Variants in MCTP1 observed in about 807,000 individuals in gnomAD.
The protein encoded by MCTP1 is multiple C2 and transmembrane domain containing 1.
A neutral mutation model predicts 120.6 loss-of-function variants in MCTP1; 69 were observed. The observed-to-expected ratio is 0.57, with a 90% CI of 0.47 to 0.70. The LOEUF is 0.70. Among genes scored for constraint, MCTP1 ranks in the 30% least tolerant of loss-of-function variants. MCTP1 has a pLI of 0.00. For synonymous variants in MCTP1, 529 were observed against 493.1 expected (o/e 1.07, Z -0.96); for missense variants, 1,203 against 1,248.8 (o/e 0.96, Z 0.55).
intron 1 of MCTP1, among the ~76,000 whole-genome samples, chr5:95,077,477 CT>C (rs375415681): frequency 1.6e-3 from 240 of 145,528 alleles, no homozygotes; most frequent in Admixed American, 6.1e-3. Context: ...ATTATATATA[CT>C]TTTTTTTTTT....
At chr5:94,929,941 A>T (rs1469331248) in intron 6 of MCTP1, among the ~76,000 whole-genome samples, 1 of 152,154 alleles carries the variant, frequency 6.6e-6, no homozygotes, top group Non-Finnish European at 1.5e-5. Context: ...AAAGTTGAAA[A>T]TCCCTTAGGC....
intron 2 of MCTP1, among the ~76,000 whole-genome samples, chr5:95,000,290 G>A (rs1833422166): frequency 6.6e-6 from 1 of 152,076 alleles, no homozygotes; most frequent in Admixed American, 6.5e-5. Flanking sequence ...ACTGGTTTTT[G>A]TATTTATGAT....
intron 19 of MCTP1, among the ~76,000 whole-genome samples, chr5:94,737,526 G>A (rs190775686): frequency 1.1e-4 from 17 of 152,218 alleles, no homozygotes; most frequent in African/African-American, 3.1e-4. Flanking sequence ...AAAATAGGGA[G>A]TCCTGTAGTT....
At chr5:94,900,846 T>A (rs1239847931) in intron 10 of MCTP1, among the ~76,000 whole-genome samples, 1 of 152,216 alleles carries the variant, frequency 6.6e-6, no homozygotes. Flanking sequence ...AAAAATGCCT[T>A]CTCTTTGCAG....
intron 1 of MCTP1, among the ~76,000 whole-genome samples, chr5:95,184,655 A>C (rs1401601562): frequency 6.6e-6 from 1 of 152,188 alleles, no homozygotes; most frequent in East Asian, 1.9e-4. Flanking sequence ...AATTAGCTAC[A>C]AGATTAAAAA....
intron 2 of MCTP1, among the ~76,000 whole-genome samples, chr5:94,985,458 G>A (rs1197349908): frequency 2.0e-5 from 3 of 152,094 alleles, no homozygotes; most frequent in East Asian, 1.9e-4. Context: ...GCAGTATAGC[G>A]ATCAAAGGCC....
Position 94,870,890 on chromosome 5 carries a change from T to A in MCTP1, c.2223A>T (p.Ile741=), listed in dbSNP as rs767004801. 6.8e-6 allele frequency: 11 copies of A among 1,612,424 alleles called. No homozygotes were observed. Among genetic ancestry groups the A allele is most frequent in the Non-Finnish European group, 8.5e-6 (10 of 1,178,686 alleles). The change falls in exon 15 of 23, where the codon ATA becomes ATT. Residue 741 remains isoleucine, a synonymous_variant. Transcript: ENST00000515393. ...GPTKGVIYLE[I]DVIFNAVKAS... is the part of the protein sequence containing the mutation. ...GACTTACAGCATTAAAAATCACATC[T>A]ATTTCAAGATAGATGACCCCCTTTG...
chr5:95,006,662 G>C (rs140037442), intron 2 of MCTP1, among the ~76,000 whole-genome samples: 6 of 152,186 alleles, frequency 3.9e-5, no homozygotes, highest in East Asian at 1.9e-4. Context: ...CTCATTAAAG[G>C]CTGCATAAAT....
At chr5:94,868,061 T>C in intron 17 of MCTP1, 1 of 252,910 alleles carries the variant, frequency 4.0e-6, no homozygotes, top group East Asian at 7.6e-5. Flanking sequence ...ATGCAATATG[T>C]AAAATTTTAC....
chr5:94,750,143 A>G (rs1767949396), intron 19 of MCTP1, among the ~76,000 whole-genome samples: 1 of 152,162 alleles, frequency 6.6e-6, no homozygotes. Flanking sequence ...CTGACATATT[A>G]CAGAGTACAT....
chr5:95,112,931 C>G (rs1443946591), intron 1 of MCTP1, among the ~76,000 whole-genome samples: 1 of 152,108 alleles, frequency 6.6e-6, no homozygotes, highest in Non-Finnish European at 1.5e-5. Flanking sequence ...TAGTTATATA[C>G]TTTTAAAAGT....
intron 1 of MCTP1, among the ~76,000 whole-genome samples, chr5:95,187,733 G>C (rs1188093904): frequency 1.3e-5 from 2 of 152,048 alleles, no homozygotes; most frequent in Admixed American, 1.3e-4. Context: ...TGGGGGTAGG[G>C]GGAAGGGTAA....
chr5:95,005,414 A>G (rs1337424541), intron 2 of MCTP1, among the ~76,000 whole-genome samples: 1 of 72,870 alleles, frequency 1.4e-5, no homozygotes, highest in East Asian at 3.4e-4. Context: ...TGAGAAGGAC[A>G]TGAGATTTGG....
chr5:95,076,782 A>C (rs1415317704), intron 1 of MCTP1, among the ~76,000 whole-genome samples: 3 of 152,212 alleles, frequency 2.0e-5, no homozygotes, highest in Non-Finnish European at 4.4e-5. Flanking sequence ...GGAAAAATCT[A>C]TACGATAATT....
chr5:94,782,630 T>G (rs1340970283), intron 18 of MCTP1, among the ~76,000 whole-genome samples: 2 of 152,038 alleles, frequency 1.3e-5, no homozygotes, highest in African/African-American at 4.8e-5. Flanking sequence ...AGGATGAGAG[T>G]GCTGGAGTTT....
chr5:95,047,451 T>C (rs983353197), intron 1 of MCTP1, among the ~76,000 whole-genome samples: 1 of 152,126 alleles, frequency 6.6e-6, no homozygotes, highest in Non-Finnish European at 1.5e-5. Context: ...ATACATGGTG[T>C]GTCATGACTG....
rs575472999 is a variant in MCTP1 at position 95,177,392 on chromosome 5, T to G, written c.720+106464A>C. ...GAAAGTCCATCTAAGATTTAGAAGTTGAAATAATTCTATGATCCATTGGCT... is the reference window on the plus strand; with the variant it reads ...GAAAGTCCATCTAAGATTTAGAAGTGGAAATAATTCTATGATCCATTGGCT... On this transcript the variant is annotated intron_variant, in intron 1 of 22. Coordinates refer to ENST00000515393, the MANE Select transcript of MCTP1 (RefSeq NM_024717.7). Among the ~76,000 whole-genome samples the G allele has an allele frequency of 7.2e-5, 11 of 152,326 alleles. No individual in the cohort carries two copies. The East Asian group carries it at 2.1e-3, about 29-fold the overall frequency.
At chr5:95,027,597 A>G (rs143752156) in intron 1 of MCTP1, among the ~76,000 whole-genome samples, 7 of 152,310 alleles carry the variant, frequency 4.6e-5, no homozygotes, top group African/African-American at 1.7e-4. Context: ...TGACATTGTA[A>G]CAGGGCATAC....
At chr5:95,239,937 A>G (rs1755976308) in intron 1 of MCTP1, among the ~76,000 whole-genome samples, 2 of 152,070 alleles carry the variant, frequency 1.3e-5, no homozygotes, top group South Asian at 4.2e-4. Context: ...TTTTTATCCA[A>G]TTTTTCCTCC....
Sources: gnomAD v4.1 joint callset for allele counts (sites outside exome capture counted in the v4.1 genomes callset) on GRCh38, gnomAD v4.1.1 for gene constraint, MANE v1.5 for transcripts, NCBI Gene and HGNC (gene_info 2026-07-23, HGNC 2026-07-21) for gene names.